Variants in CRLF1 observed in about 807,000 individuals in gnomAD.
The protein encoded by CRLF1 is cytokine receptor-like factor 1.
CRLF1 carries 36 observed loss-of-function variants against 48.9 expected under a neutral mutation model. The observed-to-expected ratio is 0.74, with a 90% CI of 0.56 to 0.97. CRLF1 has a LOEUF of 0.97. CRLF1 is among the 50% of genes least tolerant of loss of function. The pLI, the probability that CRLF1 is intolerant of heterozygous loss-of-function variation, is 0.00. For missense variants in CRLF1, 534 were observed against 575.1 expected, an observed-to-expected ratio of 0.93 and a Z score of 0.73; for synonymous variants, 256 against 253.4, an observed-to-expected ratio of 1.01 and a Z score of -0.10.
chr19:18,597,200 C>T, intron 4 of CRLF1, 151 bp from the exon 5 acceptor site: 1 of 718,364 alleles, frequency 1.4e-6, no homozygotes. Context: ...GTGGATTACA[C>T]GATATATAAT....
intron 6 of CRLF1, 85 bp downstream of exon 6, chr19:18,596,532 GAAAAA>G (rs889401595): frequency 2.3e-6 from 3 of 1,329,222 alleles, no homozygotes; most frequent in Non-Finnish European, 3.1e-6. Context: ...TGTCTCAAAA[GAAAAA>G]AAAAAGAAAA....
chr19:18,596,566 G>T (rs1285935085), intron 6 of CRLF1, 56 bp downstream of exon 6: 1 of 1,583,484 alleles, frequency 6.3e-7, no homozygotes, highest in Non-Finnish European at 8.6e-7. Flanking sequence ...GGAAACAGAG[G>T]CTCTAGCTGG....
intron 2 of CRLF1, 161 bp from the exon 3 acceptor site, chr19:18,599,062 T>G: frequency 1.0e-6 from 1 of 985,318 alleles, no homozygotes; most frequent in Non-Finnish European, 1.2e-6. Flanking sequence ...ACAGTTGGTG[T>G]GACAACTGCA....
Position 18,596,796 on chromosome 19 carries a change from C to T in CRLF1, c.856-6G>A, listed in dbSNP as rs369678434. On this transcript the variant is annotated splice_polypyrimidine_tract_variant and splice_region_variant and intron_variant, in intron 5 of 8. Coordinates refer to ENST00000392386, the MANE Select transcript of CRLF1 (RefSeq NM_004750.5). ...TTGCTCACATCGTCCACCACCTGGA[C>T]AGTGAGGACAAGGTCAGAGTAGAGG... 3 of 1,613,362 alleles carry T rather than the reference C, an allele frequency of 1.9e-6. No individual in the cohort carries two copies. Among genetic ancestry groups the T allele is most frequent in the Non-Finnish European group, 2.5e-6 (3 of 1,179,836 alleles).
intron 8 of CRLF1, 26 bp downstream of exon 8, chr19:18,594,039 C>G: frequency 7.9e-7 from 1 of 1,271,690 alleles, no homozygotes. Context: ...TGCTCCCTCC[C>G]GCCCACCCAT....
At chr19:18,594,791 C>T (rs966020907) in intron 6 of CRLF1, among the ~76,000 whole-genome samples, 2 of 151,628 alleles carry the variant, frequency 1.3e-5, no homozygotes, top group Non-Finnish European at 2.9e-5. Flanking sequence ...GAGCAGGGGG[C>T]CGAAAAAGAG....
Position 18,594,353 on chromosome 19 carries a change from T to C in CRLF1, c.1106A>G (p.Gln369Arg). 5 of 1,610,956 alleles carry C rather than the reference T, an allele frequency of 3.1e-6. No individual in the cohort carries two copies. Among genetic ancestry groups the C allele is most frequent in the Non-Finnish European group, 4.2e-6 (5 of 1,179,024 alleles). The part of the protein sequence containing the change: ...SSGPVRRELK[Q>R]FLGWLKKHAY... Reference sequence around the variant, plus strand: ...GTGCTTCTTGAGCCAGCCCAGGAACTGCTTGAGCTCGCGCCGCACCGGCCC... The same window carrying C: ...GTGCTTCTTGAGCCAGCCCAGGAACCGCTTGAGCTCGCGCCGCACCGGCCC... The change falls in exon 7 of 9, where the codon CAG becomes CGG. Residue 369 changes from glutamine to arginine, a missense_variant. This residue lies in a region of CRLF1 where 528 missense variants were observed against 555.7 expected (regional missense o/e 0.95). Transcript: ENST00000392386.
At chr19:18,603,646 C>A (rs1374170567) in intron 1 of CRLF1, among the ~76,000 whole-genome samples, 1 of 152,240 alleles carries the variant, frequency 6.6e-6, no homozygotes, top group Non-Finnish European at 1.5e-5. Context: ...CCCAGGGAGG[C>A]CCCCTGAATG....
intron 2 of CRLF1, 114 bp downstream of exon 2, chr19:18,599,451 G>T: frequency 6.9e-7 from 1 of 1,442,376 alleles, no homozygotes; most frequent in African/African-American, 1.4e-5. Flanking sequence ...GCATAGCCAT[G>T]CCAGTGTGCC....
At chr19:18,600,619 G>A (rs1262544296) in intron 1 of CRLF1, among the ~76,000 whole-genome samples, 1 of 152,112 alleles carries the variant, frequency 6.6e-6, no homozygotes, top group East Asian at 1.9e-4. Context: ...ATCCGTATGG[G>A]CCTCCCAAAG....
At position 18,594,299 on chromosome 19, in the gene CRLF1, A is replaced by C; in HGVS notation, c.1160T>G (p.Leu387Arg). The C allele has an allele frequency of 6.2e-7, 1 of 1,612,268 alleles. No individual in the cohort carries two copies. The highest frequency in any genetic ancestry group is 8.5e-7 in the Non-Finnish European group (1 of 1,179,810). The stretch of plus-strand genomic sequence containing the variant: ...CATCCAGGCTCGCCACTGGTCGTAG[A>C]GGCGGAAGCTGAGGTTGGAGCAGTA... Reference protein sequence around the residue: ...HAYCSNLSFRLYDQWRAWMQK... With the variant: ...HAYCSNLSFRRYDQWRAWMQK... Residue 387 changes from leucine to arginine, a missense_variant, in exon 7 of 9, where the codon CTC becomes CGC. Physicochemically the swap from Leu to Arg is moderately radical, Grantham distance 102. Around this residue, in one of 2 missense-constraint regions of CRLF1, gnomAD observed 528 missense variants for 555.7 expected, o/e 0.95. Coordinates refer to ENST00000392386, the MANE Select transcript of CRLF1 (RefSeq NM_004750.5).
At chr19:18,602,384 G>A (rs535142962) in intron 1 of CRLF1, among the ~76,000 whole-genome samples, 1 of 152,272 alleles carries the variant, frequency 6.6e-6, no homozygotes, top group South Asian at 2.1e-4. Flanking sequence ...TGAGGTGGGA[G>A]GATCACGTGA....
intron 6 of CRLF1, 37 bp from the exon 7 acceptor site, chr19:18,594,471 C>T: frequency 7.7e-7 from 1 of 1,304,862 alleles, no homozygotes; most frequent in Non-Finnish European, 9.7e-7. Context: ...AGAGCGCGCC[C>T]GGCAGGGGGT....
intron 6 of CRLF1, among the ~76,000 whole-genome samples, chr19:18,595,344 C>T (rs1383719653): frequency 6.6e-6 from 1 of 152,246 alleles, no homozygotes; most frequent in East Asian, 1.9e-4. Context: ...CCCGCCCACC[C>T]CTGAACCTGG....
In CRLF1 at chr19:18,594,047, C is replaced by CA; in HGVS notation, c.1255+17dup. Reference sequence around the variant, plus strand: ...CTCCCCTTGCTCCCTCCCGCCCACCCATTCAGGCCCACCTTACCTCTCGCC... The same window carrying CA: ...CTCCCCTTGCTCCCTCCCGCCCACCCAATTCAGGCCCACCTTACCTCTCGCC... On this transcript the variant is annotated intron_variant, in intron 8 of 8. Transcript: ENST00000392386. 1 of 1,527,492 alleles carries CA rather than the reference C, an allele frequency of 6.5e-7. No homozygotes were observed. Among genetic ancestry groups the CA allele is most frequent in the South Asian group, 1.2e-5 (1 of 82,308 alleles). 94.6% of individuals were successfully genotyped at this position (1,527,492 alleles called of 1,614,324 possible). A position where few individuals can be genotyped will look rare whatever the true frequency, so the allele number is the denominator to read the frequency against.
chr19:18,605,061 G>A (rs1976272467), intron 1 of CRLF1, among the ~76,000 whole-genome samples: 1 of 152,136 alleles, frequency 6.6e-6, no homozygotes, highest in South Asian at 2.1e-4. Context: ...AAGACACACC[G>A]TAAGTAGAAA....
chr19:18,603,064 G>C (rs1201874429), intron 1 of CRLF1, among the ~76,000 whole-genome samples: 1 of 152,220 alleles, frequency 6.6e-6, no homozygotes, highest in Non-Finnish European at 1.5e-5. Flanking sequence ...TCCACACAGA[G>C]TGGTTGTAAA....
chr19:18,598,394 G>T, intron 4 of CRLF1, 38 bp downstream of exon 4: 2 of 1,583,638 alleles, frequency 1.3e-6, no homozygotes, highest in Non-Finnish European at 8.6e-7. Flanking sequence ...GGTGGGGCTG[G>T]TGCCGAGGGA....
chr19:18,595,476 C>T (rs1976120534), intron 6 of CRLF1, among the ~76,000 whole-genome samples: 1 of 152,238 alleles, frequency 6.6e-6, no homozygotes, highest in Non-Finnish European at 1.5e-5. Flanking sequence ...GCTTGGTCTT[C>T]CCGGTGAACT....
Sources: allele counts gnomAD v4.1 joint callset (sites outside exome capture counted in the v4.1 genomes callset), GRCh38; gene constraint gnomAD v4.1.1; regional missense constraint gnomAD v4.1.1; transcripts MANE v1.5; gene names NCBI Gene and HGNC (gene_info 2026-07-23, HGNC 2026-07-21).